Variants in ANKS3 observed in about 807,000 individuals in gnomAD.
The protein encoded by ANKS3 is ankyrin repeat and sterile alpha motif domain containing 3, also known as ankyrin repeat and SAM domain-containing protein 3.
A neutral mutation model predicts 80.7 loss-of-function variants in ANKS3; 62 were observed. The ratio of observed to expected loss-of-function variants is 0.77; its 90% CI spans 0.63 to 0.95. ANKS3 has a LOEUF of 0.95. Ranked by LOEUF, ANKS3 falls within the 40% of genes least tolerant of loss-of-function variation. The probability of loss-of-function intolerance (pLI) is 0.00; values close to 1 mark genes in which losing one functional copy is unlikely to be tolerated. For synonymous variants in ANKS3, 489 were observed against 355.3 expected (o/e 1.38, Z -4.23); for missense variants, 1,150 against 883.6 (o/e 1.30, Z -3.82).
intron 14 of ANKS3, 179 bp downstream of exon 14, chr16:4,698,248 C>T: frequency 2.6e-6 from 3 of 1,147,370 alleles, no homozygotes; most frequent in Non-Finnish European, 3.6e-6. Context: ...TTCCCGGACC[C>T]AACTCCTGCC....
chr16:4,721,435 C>A (rs982415855), intron 6 of ANKS3, among the ~76,000 whole-genome samples: 13 of 150,976 alleles, frequency 8.6e-5, no homozygotes, highest in African/African-American at 3.1e-4. Context: ...GTGGCAAAAC[C>A]CCATCTCTAC....
At chr16:4,717,270 T>C (rs1379997699) in intron 6 of ANKS3, among the ~76,000 whole-genome samples, 2 of 151,856 alleles carry the variant, frequency 1.3e-5, no homozygotes, top group Admixed American at 1.3e-4. Context: ...ATTTCTTGGC[T>C]GGGCACAGAG....
intron 3 of ANKS3, among the ~76,000 whole-genome samples, chr16:4,728,919 G>A (rs950981603): frequency 6.6e-6 from 1 of 152,184 alleles, no homozygotes; most frequent in East Asian, 1.9e-4. Flanking sequence ...GTATGTCTAA[G>A]TGAGGGCCAC....
chr16:4,731,686 A>C, intron 1 of ANKS3, 107 bp from the exon 2 acceptor site: 3 of 574,946 alleles, frequency 5.2e-6, no homozygotes, highest in South Asian at 7.7e-5. Flanking sequence ...CAATTCCCCA[A>C]CAGACAAACC....
chr16:4,726,518 T>A (rs1208935519), intron 5 of ANKS3, 141 bp downstream of exon 5: 1 of 815,164 alleles, frequency 1.2e-6, no homozygotes, highest in African/African-American at 1.7e-5. Context: ...CTGGAAGGAC[T>A]CTGGTCCTAC....
intron 6 of ANKS3, among the ~76,000 whole-genome samples, chr16:4,716,517 C>CA (rs1453340844): frequency 2.0e-5 from 3 of 152,012 alleles, no homozygotes; most frequent in African/African-American, 7.3e-5. Context: ...GGATACAGGA[C>CA]AAAAAACTGT....
chr16:4,698,203 G>C (rs1398353326), intron 14 of ANKS3, 141 bp from the exon 15 acceptor site: 10 of 1,153,908 alleles, frequency 8.7e-6, no homozygotes, highest in Admixed American at 2.7e-5. Context: ...GCCCCATGAG[G>C]CTGCACTAAA....
Position 4,700,757 on chromosome 16 carries a change from C to T in ANKS3, c.1284+213G>A, listed in dbSNP as rs752325258. On this transcript the variant is annotated intron_variant, in intron 11 of 17. Transcript: ENST00000304283. ...AGTATGGAAAGCAGGGAGACAGGTC[C>T]TTTCCGTGGAGAGGAACAGAGTAGA... 3.9e-6 allele frequency: 3 copies of T among 767,430 alleles called. No individual in the cohort carries two copies. In the South Asian group the frequency reaches 4.1e-5, roughly 11 times the overall value. 47.5% of individuals were successfully genotyped at this position (767,430 alleles called of 1,614,324 possible).
At chr16:4,719,320 G>C (rs2080964340) in intron 6 of ANKS3, among the ~76,000 whole-genome samples, 1 of 152,172 alleles carries the variant, frequency 6.6e-6, no homozygotes, top group African/African-American at 2.4e-5. Flanking sequence ...CAAACAGAGT[G>C]AGACTCTGTC....
In ANKS3 at chr16:4,699,032, A is replaced by G; in HGVS notation, c.1409+20T>C. On this transcript the variant is annotated intron_variant, in intron 12 of 17. Transcript: ENST00000304283. The stretch of plus-strand genomic sequence containing the variant: ...GCCCCAACCCCGGGCTGAGGGCCAG[A>G]GCGGCCCTTCTGGACGCACGTGATG... The G allele has an allele frequency of 1.2e-6, 2 of 1,614,168 alleles. No homozygotes were observed. Among genetic ancestry groups the G allele is most frequent in the Non-Finnish European group, 1.7e-6 (2 of 1,180,040 alleles).
intron 6 of ANKS3, among the ~76,000 whole-genome samples, chr16:4,721,482 G>A (rs1186050274): frequency 5.3e-5 from 8 of 150,632 alleles, no homozygotes; most frequent in African/African-American, 1.2e-4. Context: ...GTGGTGGCAC[G>A]CACCTGTAAT....
In ANKS3 at chr16:4,702,172, G is replaced by A. The variant is rs556645396; in HGVS notation, c.939C>T (p.Leu313=). 76 of 1,594,562 alleles carry A rather than the reference G, an allele frequency of 4.8e-5. No homozygotes were observed. The Admixed American group carries it at 1.3e-3, about 28-fold the overall frequency. The change falls in exon 9 of 18, where the codon CTC becomes CTT. Residue 313 remains leucine, a synonymous_variant. Transcript: ENST00000304283. The part of the protein sequence containing the change: ...SGENPLEEEG[L]CCRDVTSPIN... ...TGGGGGAGGTGACATCCCGGCAGCA[G>A]AGGCCCTCTTCTTCCAGGGGGTTCT...
chr16:4,730,709 A>T (rs1430234816), intron 2 of ANKS3, among the ~76,000 whole-genome samples: 4 of 152,176 alleles, frequency 2.6e-5, no homozygotes, highest in Non-Finnish European at 5.9e-5. Context: ...TCTACTAAAA[A>T]TACAAAAATT....
chr16:4,727,018 G>A lies in ANKS3; in HGVS notation c.330C>T (p.Ser110=). ...AGGCGATGCTCTCGTTGCCACAGCT[G>A]GAGGCCAGCATCAGTGGAGTCTGCC... ...PEGQTPLMLA[S]SCGNESIAYF... The change falls in exon 4 of 18, where the codon TCC becomes TCT. Residue 110 remains serine (S), a synonymous_variant. Coordinates refer to ENST00000304283, the MANE Select transcript of ANKS3 (RefSeq NM_133450.4). 1 of 1,614,200 alleles carries A rather than the reference G, an allele frequency of 6.2e-7. No individual in the cohort carries two copies. The highest frequency in any genetic ancestry group is 8.5e-7 in the Non-Finnish European group (1 of 1,180,054).
chr16:4,708,342 T>G (rs925696157), intron 7 of ANKS3, among the ~76,000 whole-genome samples: 1 of 151,894 alleles, frequency 6.6e-6, no homozygotes, highest in Non-Finnish European at 1.5e-5. Flanking sequence ...GGAGAAAATA[T>G]AAATAAAAAT....
chr16:4,714,085 C>T lies in ANKS3; in HGVS notation c.675G>A (p.Ser225=), dbSNP rs140504631. 118 of 1,614,126 alleles carry T rather than the reference C, an allele frequency of 7.3e-5. 1 individual carries two copies. Among genetic ancestry groups the T allele is most frequent in the East Asian group, 6.5e-4 (29 of 44,880 alleles). ...MKIVALMDTY[S]PSLPKSLYRS... The stretch of plus-strand genomic sequence containing the variant: ...GATAGAGGCTCTTGGGCAGAGAGGG[C>T]GAGTAAGTGTCCATCAAGGCCACGA... The change falls in exon 7 of 18, where the codon TCG becomes TCA. Residue 225 remains serine (S), a synonymous_variant. Coordinates refer to ENST00000304283, the MANE Select transcript of ANKS3 (RefSeq NM_133450.4).
rs184951481 is a variant in ANKS3 at position 4,701,549 on chromosome 16, G to A, written c.1010-6C>T. ...GGCACAGAAAGCATGTTCCTCTGAG[G>A]GCGGGAAGACAGGGCGTCCGCCTGC... On this transcript the variant is annotated splice_polypyrimidine_tract_variant and splice_region_variant and intron_variant, in intron 9 of 17. Transcript: ENST00000304283. 1,717 of 1,605,798 alleles carry A rather than the reference G, an allele frequency of 1.1e-3. 7 individuals are homozygous for A. The Middle Eastern group carries it at 0.016, about 15-fold the overall frequency.
intron 1 of ANKS3, among the ~76,000 whole-genome samples, chr16:4,732,265 C>T (rs1460132766): frequency 6.6e-6 from 1 of 152,140 alleles, no homozygotes; most frequent in Admixed American, 6.6e-5. Context: ...CCAACGAAGC[C>T]TGGATAAGAA....
At chr16:4,729,528 C>A (rs2081518691) in intron 3 of ANKS3, 1 of 152,042 alleles carries the variant, frequency 6.6e-6, no homozygotes. Flanking sequence ...ACCCAGCTAA[C>A]TTTTATATTT....
Sources: allele counts gnomAD v4.1 joint callset (sites outside exome capture counted in the v4.1 genomes callset), GRCh38; gene constraint gnomAD v4.1.1; transcripts MANE v1.5; gene names NCBI Gene and HGNC (gene_info 2026-07-23, HGNC 2026-07-21).